Variants in LPGAT1 observed in about 807,000 individuals in gnomAD.
LPGAT1 encodes the protein acyl-CoA:lysophosphatidylglycerol acyltransferase 1.
In LPGAT1, 11 loss-of-function variants were observed where a neutral mutation model predicts 47.5. The ratio of observed to expected loss-of-function variants is 0.23; its 90% CI spans 0.15 to 0.38. The LOEUF (loss-of-function observed/expected upper bound fraction) is 0.38, where lower values mean the gene tolerates loss of function less well. LPGAT1 is among the 10% of genes least tolerant of loss of function. The pLI is 1.00. For missense variants in LPGAT1, 293 were observed against 439.0 expected (o/e 0.67, Z 2.97); for synonymous variants, 138 against 144.2 (o/e 0.96, Z 0.31).
intron 2 of LPGAT1, among the ~76,000 whole-genome samples, chr1:211,825,664 G>A (rs1030511664): frequency 6.6e-6 from 1 of 152,140 alleles, no homozygotes; most frequent in African/African-American, 2.4e-5. Flanking sequence ...TCCTACTAAA[G>A]AAAATGTGAA....
rs1657101317 is a variant in LPGAT1, at chr1:211,749,864, C to T, written c.*35G>A. On this transcript the variant is annotated 3_prime_UTR_variant, in exon 8 of 8. Coordinates refer to ENST00000366997, the MANE Select transcript of LPGAT1 (RefSeq NM_014873.3). ...GCACACTTATGAAAGAAAGTCTGAA[C>T]TCCTACGGTGACCTTGACAAGTCCA... 3 of 1,607,480 alleles carry T rather than the reference C, an allele frequency of 1.9e-6. No homozygotes were observed. In the African/African-American group the frequency reaches 4.0e-5, roughly 22 times the overall value.
chr1:211,795,786 CAT>C (rs1491075519), intron 2 of LPGAT1, among the ~76,000 whole-genome samples: 5 of 152,204 alleles, frequency 3.3e-5, no homozygotes, highest in Non-Finnish European at 7.3e-5. Context: ...CACACACACA[CAT>C]GCACAACATT....
chr1:211,786,706 T>C (rs568098439), intron 4 of LPGAT1, among the ~76,000 whole-genome samples: 1 of 152,330 alleles, frequency 6.6e-6, no homozygotes, highest in East Asian at 1.9e-4. Flanking sequence ...AAAACTGATA[T>C]ACTTATTTTT....
chr1:211,768,900 A>G (rs989699661), intron 6 of LPGAT1, among the ~76,000 whole-genome samples: 3 of 152,188 alleles, frequency 2.0e-5, no homozygotes, highest in African/African-American at 7.2e-5. Flanking sequence ...GGAGGAGGAA[A>G]CAGTCAGTAG....
chr1:211,811,093 C>A (rs1659970998), intron 2 of LPGAT1, among the ~76,000 whole-genome samples: 1 of 152,138 alleles, frequency 6.6e-6, no homozygotes, highest in Non-Finnish European at 1.5e-5. Flanking sequence ...CAGACCCAGG[C>A]TACCATATCC....
chr1:211,801,556 T>A (rs1450147648), intron 2 of LPGAT1, among the ~76,000 whole-genome samples: 3 of 151,730 alleles, frequency 2.0e-5, no homozygotes, highest in East Asian at 3.9e-4. Flanking sequence ...ACAAAAAAAA[T>A]TTTTAAAAGA....
rs1281945313 is a variant in LPGAT1 at position 211,746,174 on chromosome 1, G to A, written c.*3725C>T. ...GGAAGTGATTGTCAAAAAACACTCAGACAAATCCACAAGAAGTGGGCAACA... is the reference window on the plus strand; with the variant it reads ...GGAAGTGATTGTCAAAAAACACTCAAACAAATCCACAAGAAGTGGGCAACA... On this transcript the variant is annotated 3_prime_UTR_variant, in exon 8 of 8. Coordinates refer to ENST00000366997, the MANE Select transcript of LPGAT1 (RefSeq NM_014873.3). 1 of 152,610 alleles carries A rather than the reference G, an allele frequency of 6.6e-6. No homozygotes were observed. The highest frequency in any genetic ancestry group is 2.4e-5 in the African/African-American group (1 of 41,440). The allele number at this position is 152,610 out of a possible 1,614,324, so 9.5% of individuals were successfully genotyped here.
chr1:211,806,272 A>G (rs1231860866), intron 2 of LPGAT1, among the ~76,000 whole-genome samples: 1 of 151,992 alleles, frequency 6.6e-6, no homozygotes, highest in Non-Finnish European at 1.5e-5. Flanking sequence ...AAAAAAAAAA[A>G]AAGAAAATCA....
At chr1:211,818,584 A>G (rs1483429876) in intron 2 of LPGAT1, among the ~76,000 whole-genome samples, 2 of 152,250 alleles carry the variant, frequency 1.3e-5, no homozygotes, top group Admixed American at 1.3e-4. Context: ...CTCTGAAAAG[A>G]AACTCCTAAA....
chr1:211,780,766 T>C (rs1205656690), intron 5 of LPGAT1, among the ~76,000 whole-genome samples: 1 of 152,194 alleles, frequency 6.6e-6, no homozygotes, highest in African/African-American at 2.4e-5. Context: ...ACTAATGAAG[T>C]TTATTTTTAG....
chr1:211,829,545 T>C, intron 1 of LPGAT1: 3 of 1,385,718 alleles, frequency 2.2e-6, no homozygotes, highest in Non-Finnish European at 2.8e-6. Context: ...AGGCACGAAG[T>C]ATGTCACAAT....
chr1:211,796,401 G>A (rs1659352893), intron 2 of LPGAT1, among the ~76,000 whole-genome samples: 1 of 152,136 alleles, frequency 6.6e-6, no homozygotes, highest in African/African-American at 2.4e-5. Flanking sequence ...ACCACGTGAT[G>A]ACAGAGGCAG....
intron 6 of LPGAT1, among the ~76,000 whole-genome samples, chr1:211,775,646 T>C (rs1423840806): frequency 6.6e-6 from 1 of 152,150 alleles, no homozygotes. Context: ...AATTGTTTCA[T>C]GGCCGGGCGC....
intron 6 of LPGAT1, among the ~76,000 whole-genome samples, chr1:211,763,036 T>C (rs1344940692): frequency 2.6e-5 from 4 of 152,156 alleles, no homozygotes; most frequent in African/African-American, 9.7e-5. Flanking sequence ...ATGATAAATA[T>C]TGTGTGAGGA....
chr1:211,829,483 G>T, intron 1 of LPGAT1, 160 bp from the exon 2 acceptor site: 1 of 1,436,436 alleles, frequency 7.0e-7, no homozygotes, highest in South Asian at 1.5e-5. Context: ...TCCAGAGGGG[G>T]ACAGAGAGCG....
intron 6 of LPGAT1, among the ~76,000 whole-genome samples, chr1:211,758,607 G>A (rs1236102772): frequency 1.3e-5 from 2 of 152,128 alleles, no homozygotes; most frequent in Admixed American, 1.3e-4. Context: ...GGAGGCTGAG[G>A]CAGGAGAATG....
rs370610095 is a variant in LPGAT1, at chr1:211,783,092, T to A, written c.727+137A>T. 586 of 804,392 alleles carry A rather than the reference T, an allele frequency of 7.3e-4. 1 individual carries two copies. The highest frequency in any genetic ancestry group is 5.2e-3 in the African/African-American group (299 of 57,020). 49.8% of individuals were successfully genotyped at this position (804,392 alleles called of 1,614,324 possible). ...CTACTTTTGTAAATGGAAACTTTTT[T>A]AAAAAATTACAGTTTCATCTTCTCC... On this transcript the variant is annotated intron_variant, in intron 5 of 7. Coordinates refer to ENST00000366997, the MANE Select transcript of LPGAT1 (RefSeq NM_014873.3).
intron 2 of LPGAT1, among the ~76,000 whole-genome samples, chr1:211,817,333 A>T (rs1660208646): frequency 6.6e-6 from 1 of 152,204 alleles, no homozygotes; most frequent in Non-Finnish European, 1.5e-5. Flanking sequence ...GCACTTTGGG[A>T]GGCAGAGGCA....
rs1042337638 is a variant in LPGAT1, at chr1:211,743,844, G to A, written c.*6055C>T. 2 of 152,264 alleles carry A rather than the reference G, an allele frequency of 1.3e-5. No individual in the cohort carries two copies. Among genetic ancestry groups the A allele is most frequent in the East Asian group, 3.9e-4 (2 of 5,184 alleles). 9.4% of individuals were successfully genotyped at this position (152,264 alleles called of 1,614,324 possible). ...AATAAGAGGTAGACACGACTGTAACGATTTAACTCATTTGGTAGACTGTGC... is the reference window on the plus strand; with the variant it reads ...AATAAGAGGTAGACACGACTGTAACAATTTAACTCATTTGGTAGACTGTGC... On this transcript the variant is annotated 3_prime_UTR_variant, in exon 8 of 8. Transcript: ENST00000366997.
Sources: gnomAD v4.1 joint callset for allele counts (sites outside exome capture counted in the v4.1 genomes callset) on GRCh38, gnomAD v4.1.1 for gene constraint, MANE v1.5 for transcripts, NCBI Gene and HGNC (gene_info 2026-07-23, HGNC 2026-07-21) for gene names.